The following EEA1 variants were observed in gnomAD, a reference collection of about 807,000 sequenced individuals.
The protein encoded by EEA1 is early endosome antigen 1, 162kD.
A neutral mutation model predicts 209.2 loss-of-function variants in EEA1; 111 were observed. That is an observed-to-expected ratio of 0.53 (90% CI 0.45 to 0.62). The LOEUF (loss-of-function observed/expected upper bound fraction) is 0.62, where lower values mean the gene tolerates loss of function less well. EEA1 is among the 20% of genes least tolerant of loss of function. EEA1 has a pLI of 0.00. For missense variants in EEA1, 1,343 were observed against 1,530.8 expected (o/e 0.88, Z 2.05); for synonymous variants, 536 against 540.6 (o/e 0.99, Z 0.12).
intron 23 of EEA1, 149 bp downstream of exon 23, chr12:92,781,801 A>G (rs1285388385): frequency 3.5e-6 from 2 of 572,062 alleles, no homozygotes; most frequent in East Asian, 3.1e-5. Flanking sequence ...TAAAATCCCA[A>G]TGATCAAAAG....
At chr12:92,865,121 T>A in intron 2 of EEA1, 134 bp from the exon 3 acceptor site, 2 of 586,956 alleles carry the variant, frequency 3.4e-6, no homozygotes, top group Non-Finnish European at 5.3e-6. Context: ...CTTATGGTAT[T>A]AATCCCAAAT....
chr12:92,873,310 G>A (rs1440428352), intron 2 of EEA1, among the ~76,000 whole-genome samples: 1 of 152,176 alleles, frequency 6.6e-6, no homozygotes, highest in African/African-American at 2.4e-5. Flanking sequence ...AAGACTGAGA[G>A]ACTAGATGAA....
Position 92,905,189 on chromosome 12 carries a change from G to A in EEA1, c.25-13468C>T, listed in dbSNP as rs557627348. ...ACTCAAGGAATTCCAAGTTTTAGGA[G>A]CTCCATGCCAGAAACAAGAAAAAAG... On this transcript the variant is annotated intron_variant, in intron 1 of 28. Transcript: ENST00000322349. Among the ~76,000 whole-genome samples the A allele has an allele frequency of 2.6e-5, 4 of 151,986 alleles. No homozygotes were observed. The East Asian group carries it at 7.7e-4, about 29-fold the overall frequency.
chr12:92,776,080 AT>A lies in EEA1; in HGVS notation c.4166del (p.Asn1389MetfsTer3). On this transcript the variant is annotated frameshift_variant, in exon 29 of 29. Coordinates refer to ENST00000322349, the MANE Select transcript of EEA1 (RefSeq NM_003566.4). LOFTEE classifies it high-confidence loss of function. ...GCTTCTTGGAGGAAGGAGTTAAGGCATTTTTGGCTGAACATTCAGCACAGAA... is the reference window on the plus strand; with the variant it reads ...GCTTCTTGGAGGAAGGAGTTAAGGCATTTTGGCTGAACATTCAGCACAGAA... Reference protein sequence around the residue: ...NIFCAECSAKNALTPSSKKPV... With the variant: ...NIFCAECSAKXALTPSSKKPV... 2 of 1,611,508 alleles carry A rather than the reference AT, an allele frequency of 1.2e-6. No individual in the cohort carries two copies. The highest frequency in any genetic ancestry group is 1.7e-6 in the Non-Finnish European group (2 of 1,178,358).
chr12:92,855,279 A>G (rs1049082866), intron 5 of EEA1, among the ~76,000 whole-genome samples: 1 of 152,230 alleles, frequency 6.6e-6, no homozygotes, highest in African/African-American at 2.4e-5. Context: ...AATACAAAAA[A>G]TTAGCCGGCC....
chr12:92,840,132 T>C (rs560398119), intron 10 of EEA1, among the ~76,000 whole-genome samples: 24 of 152,294 alleles, frequency 1.6e-4, no homozygotes, highest in Admixed American at 6.5e-4. Flanking sequence ...TTTTTTTCTT[T>C]CTTGACTTTT....
intron 15 of EEA1, among the ~76,000 whole-genome samples, chr12:92,814,017 A>AAAAG (rs1421283660): frequency 6.6e-6 from 1 of 152,144 alleles, no homozygotes. Context: ...GTCTCAGAAA[A>AAAAG]AAAGAAAGAA....
At chr12:92,803,024 G>A (rs570246067) in intron 18 of EEA1, among the ~76,000 whole-genome samples, 2 of 151,966 alleles carry the variant, frequency 1.3e-5, no homozygotes, top group South Asian at 2.1e-4. Flanking sequence ...AACTAATCCC[G>A]AGGAAAAAAA....
At chr12:92,928,899 C>G in intron 1 of EEA1, 144 bp downstream of exon 1, 1 of 684,462 alleles carries the variant, frequency 1.5e-6, no homozygotes, top group Non-Finnish European at 2.1e-6. Context: ...GCCCCCGGGC[C>G]GGGCGACCGA....
rs74908841 is a variant in EEA1, at chr12:92,828,177, G to A, written c.1255-116C>T. On this transcript the variant is annotated intron_variant, in intron 11 of 28. Coordinates refer to ENST00000322349, the MANE Select transcript of EEA1 (RefSeq NM_003566.4). ...AAATAAGTACAATATCTTAATTTTC[G>A]TGATACTTTGGGGAAACCTAAGATT... 1.5e-3 allele frequency: 1,215 copies of A among 809,644 alleles called. 10 individuals carry two copies. The East Asian group carries it at 0.018, about 12-fold the overall frequency. The allele number at this position is 809,644 out of a possible 1,614,324, so 50.2% of individuals were successfully genotyped here.
chr12:92,833,212 A>C (rs979486134), intron 10 of EEA1, among the ~76,000 whole-genome samples: 7 of 152,206 alleles, frequency 4.6e-5, no homozygotes, highest in Admixed American at 6.5e-5. Context: ...ACAATATACT[A>C]TGCAAACTTT....
At chr12:92,928,789 C>T (rs1881308227) in intron 1 of EEA1, among the ~76,000 whole-genome samples, 1 of 151,824 alleles carries the variant, frequency 6.6e-6, no homozygotes, top group Non-Finnish European at 1.5e-5. Flanking sequence ...CCCGCTCGCA[C>T]ACACGGAGCC....
In EEA1 at chr12:92,806,356, G is replaced by A. The variant is rs183566446; in HGVS notation, c.2339+2661C>T. On this transcript the variant is annotated intron_variant, in intron 18 of 28. Coordinates refer to ENST00000322349, the MANE Select transcript of EEA1 (RefSeq NM_003566.4). The stretch of plus-strand genomic sequence containing the variant: ...ACAGACCTTAAAAGTGTAATATTAT[G>A]AACAACTGCCAATAAACTTGAAGTT... 1.3e-3 allele frequency among the ~76,000 whole-genome samples: 194 copies of A among 152,064 alleles called. 2 individuals carry two copies. Among genetic ancestry groups the A allele is most frequent in the African/African-American group, 4.2e-3 (175 of 41,492 alleles).
intron 1 of EEA1, among the ~76,000 whole-genome samples, chr12:92,898,746 T>TC (rs1880021745): frequency 7.4e-6 from 1 of 135,612 alleles, no homozygotes; most frequent in Non-Finnish European, 1.6e-5. Context: ...TTTTTTTTTT[T>TC]TTTTTTTTTT....
At chr12:92,893,598 A>C (rs1332905571) in intron 1 of EEA1, among the ~76,000 whole-genome samples, 1 of 152,230 alleles carries the variant, frequency 6.6e-6, no homozygotes, top group Non-Finnish European at 1.5e-5. Flanking sequence ...AACTATATAC[A>C]ATGGAAAAAT....
chr12:92,809,523 TAAAAAAAAAAAA>T (rs57998627), intron 17 of EEA1, among the ~76,000 whole-genome samples: 2 of 107,024 alleles, frequency 1.9e-5, no homozygotes, highest in Non-Finnish European at 3.7e-5. Flanking sequence ...TTATCTCTAC[TAAAAAAAAAAAA>T]AAAAAAAAAA....
chr12:92,831,824 G>A (rs939021333), intron 11 of EEA1, among the ~76,000 whole-genome samples: 5 of 151,506 alleles, frequency 3.3e-5, no homozygotes, highest in South Asian at 2.1e-4. Context: ...GGTGGCTCAC[G>A]CCTGTAATCC....
chr12:92,822,646 T>G (rs1404771613), intron 13 of EEA1, among the ~76,000 whole-genome samples: 1 of 152,144 alleles, frequency 6.6e-6, no homozygotes, highest in Non-Finnish European at 1.5e-5. Flanking sequence ...AGTCATCACT[T>G]AAGGGGTGGT....
intron 1 of EEA1, among the ~76,000 whole-genome samples, chr12:92,902,747 A>T (rs1026617761): frequency 2.2e-4 from 34 of 151,252 alleles, no homozygotes; most frequent in African/African-American, 8.0e-4. Context: ...TCTTAAAAAA[A>T]AAAAAAAAAA....
Sources: gnomAD v4.1 joint callset for allele counts (sites outside exome capture counted in the v4.1 genomes callset) on GRCh38, gnomAD v4.1.1 for gene constraint, MANE v1.5 for transcripts, NCBI Gene and HGNC (gene_info 2026-07-23, HGNC 2026-07-21) for gene names.